MAPK10: variants seen among roughly 807,000 people sequenced by gnomAD.
MAPK10 encodes the protein JNK3 alpha protein kinase.
In MAPK10, 25 loss-of-function variants were observed where a neutral mutation model predicts 59.3. That is an observed-to-expected ratio of 0.42 (90% CI 0.31 to 0.59). The LOEUF (loss-of-function observed/expected upper bound fraction) is 0.59. Among genes scored for constraint, MAPK10 ranks in the 20% least tolerant of loss-of-function variants. The probability of loss-of-function intolerance (pLI) is 0.15; values close to 1 mark genes in which losing one functional copy is unlikely to be tolerated. For missense variants in MAPK10, 351 were observed against 568.9 expected, an observed-to-expected ratio of 0.62 and a Z score of 3.90; for synonymous variants, 190 against 200.5, an observed-to-expected ratio of 0.95 and a Z score of 0.44.
intron 2 of MAPK10, among the ~76,000 whole-genome samples, chr4:86,316,974 G>A (rs147018649): frequency 2.9e-4 from 44 of 152,188 alleles, no homozygotes; most frequent in African/African-American, 8.9e-4. Flanking sequence ...AACCATGTGC[G>A]AGCCTTACTA....
chr4:86,441,120 T>C (rs1749369918), intron 1 of MAPK10, among the ~76,000 whole-genome samples: 1 of 152,248 alleles, frequency 6.6e-6, no homozygotes, highest in Non-Finnish European at 1.5e-5. Flanking sequence ...GTTTCATTTG[T>C]ATAGAGAAAA....
In MAPK10 at chr4:86,154,734, T is replaced by C. The variant is rs572237420; in HGVS notation, c.236+4564A>G. ...AAGACTGAAAGTTAAAAGCTATCAC[T>C]GATAAACCACAATGGGAAAAAAAAT... On this transcript the variant is annotated intron_variant, in intron 4 of 13. Transcript: ENST00000641462. 1.2e-4 allele frequency among the ~76,000 whole-genome samples: 19 copies of C among 152,186 alleles called. No homozygotes were observed. The East Asian group carries it at 3.5e-3, about 28-fold the overall frequency.
intron 11 of MAPK10, among the ~76,000 whole-genome samples, chr4:86,044,961 A>C (rs1356986995): frequency 6.6e-6 from 1 of 152,174 alleles, no homozygotes; most frequent in Admixed American, 6.6e-5. Context: ...AAAAGCATGG[A>C]ATTATAATGT....
chr4:86,462,676 A>G (rs1055570589), intron 1 of MAPK10, among the ~76,000 whole-genome samples: 7 of 152,210 alleles, frequency 4.6e-5, no homozygotes, highest in Non-Finnish European at 7.3e-5. Flanking sequence ...GGCCTGATGG[A>G]CAACCTGGGA....
intron 2 of MAPK10, among the ~76,000 whole-genome samples, chr4:86,263,752 C>T (rs576691951): frequency 6.6e-6 from 1 of 152,282 alleles, no homozygotes; most frequent in East Asian, 1.9e-4. Flanking sequence ...TTAGGAAGAA[C>T]AAGACCTATC....
At chr4:86,284,198 T>C (rs1218895679) in intron 2 of MAPK10, among the ~76,000 whole-genome samples, 1 of 152,210 alleles carries the variant, frequency 6.6e-6, no homozygotes, top group Non-Finnish European at 1.5e-5. Context: ...AACATGCTAT[T>C]ATTATCTCCA....
intron 2 of MAPK10, among the ~76,000 whole-genome samples, chr4:86,255,361 G>A (rs747945061): frequency 6.6e-6 from 1 of 152,156 alleles, no homozygotes; most frequent in African/African-American, 2.4e-5. Flanking sequence ...TTTTCTGTGG[G>A]TGACATCTCT....
chr4:86,510,105 C>T (rs1050710968), intron 1 of MAPK10, among the ~76,000 whole-genome samples: 1 of 152,004 alleles, frequency 6.6e-6, no homozygotes, highest in Admixed American at 6.6e-5. Context: ...GATAAATAAG[C>T]TGTTGGTGTT....
chr4:86,475,426 A>G (rs78076949), intron 1 of MAPK10, among the ~76,000 whole-genome samples: 1 of 150,840 alleles, frequency 6.6e-6, no homozygotes, highest in East Asian at 2.0e-4. Flanking sequence ...CTATCCCTCA[A>G]CCTCTTTCTC....
chr4:86,482,295 A>C (rs1753668540), intron 1 of MAPK10, among the ~76,000 whole-genome samples: 1 of 152,122 alleles, frequency 6.6e-6, no homozygotes, highest in Non-Finnish European at 1.5e-5. Context: ...ATGAATTGTG[A>C]GGTGAGATTT....
At chr4:86,339,910 A>G (rs1723877817) in intron 2 of MAPK10, among the ~76,000 whole-genome samples, 1 of 152,244 alleles carries the variant, frequency 6.6e-6, no homozygotes, top group Non-Finnish European at 1.5e-5. Flanking sequence ...TTTCTCATAT[A>G]AACCCTGGAA....
chr4:86,145,842 A>G (rs183035088), intron 4 of MAPK10, among the ~76,000 whole-genome samples: 1 of 152,168 alleles, frequency 6.6e-6, no homozygotes, highest in African/African-American at 2.4e-5. Flanking sequence ...CCTCTCTAAT[A>G]GAGTAAACAC....
intron 1 of MAPK10, among the ~76,000 whole-genome samples, chr4:86,427,960 A>T (rs1747519826): frequency 6.6e-6 from 1 of 152,150 alleles, no homozygotes; most frequent in South Asian, 2.1e-4. Flanking sequence ...TCAAAAGACA[A>T]AATTACAATA....
chr4:86,590,026 G>A (rs1180463811), intron 1 of MAPK10, among the ~76,000 whole-genome samples: 4 of 150,004 alleles, frequency 2.7e-5, no homozygotes, highest in South Asian at 2.1e-4. Context: ...TGGAAATAAC[G>A]TATATGCTCA....
At chr4:86,204,608 A>G (rs2149338088) in intron 2 of MAPK10, among the ~76,000 whole-genome samples, 1 of 152,132 alleles carries the variant, frequency 6.6e-6, no homozygotes, top group African/African-American at 2.4e-5. Context: ...GAAACAAAAG[A>G]GGAACCTCAG....
At chr4:86,390,229 T>C (rs1742019389) in intron 1 of MAPK10, among the ~76,000 whole-genome samples, 1 of 152,218 alleles carries the variant, frequency 6.6e-6, no homozygotes, top group Admixed American at 6.5e-5. Context: ...GTAGATTGTA[T>C]TTCTATGAGT....
intron 1 of MAPK10, among the ~76,000 whole-genome samples, chr4:86,443,689 C>G (rs1263978179): frequency 1.3e-5 from 2 of 152,114 alleles, no homozygotes; most frequent in East Asian, 1.9e-4. Context: ...GTTCCTGCTA[C>G]ACAGTACATC....
chr4:86,160,890 T>A (rs908201655), intron 3 of MAPK10, among the ~76,000 whole-genome samples: 2 of 152,022 alleles, frequency 1.3e-5, no homozygotes, highest in Admixed American at 1.3e-4. Flanking sequence ...TGGCATTTCA[T>A]CTCTAAATAA....
rs146719773 is a variant in MAPK10, at chr4:86,017,300, G to A, written c.1323C>T (p.Thr441=). The A allele has an allele frequency of 3.4e-4, 551 of 1,614,002 alleles. 2 individuals are homozygous for A. The highest frequency in any genetic ancestry group is 8.0e-4 in the East Asian group (36 of 44,884). Reference sequence around the variant, plus strand: ...CAGTGTCAGATGCCAGGGTCTGGTCGGTGGACATGGAGGAGATGTCATTGA... The same window carrying A: ...CAGTGTCAGATGCCAGGGTCTGGTCAGTGGACATGGAGGAGATGTCATTGA... The part of the protein sequence containing the change: ...SSVNDISSMS[T]DQTLASDTDS... Residue 441 remains threonine (T), a synonymous_variant, in exon 14 of 14, where the codon ACC becomes ACT. Coordinates refer to ENST00000641462, the MANE Select transcript of MAPK10 (RefSeq NM_138982.4). This position sits in a 1 kb window ranked among gnomAD's most constrained non-coding sequence, Gnocchi z 4.4.
Sources: allele counts gnomAD v4.1 joint callset (sites outside exome capture counted in the v4.1 genomes callset), GRCh38; gene constraint gnomAD v4.1.1; non-coding constraint Gnocchi (gnomAD v3.1); transcripts MANE v1.5; gene names NCBI Gene and HGNC (gene_info 2026-07-23, HGNC 2026-07-21).